MED17: variants seen among roughly 807,000 people sequenced by gnomAD.
MED17 encodes the protein mediator complex subunit 17.
A neutral mutation model predicts 80.8 loss-of-function variants in MED17; 49 were observed. The observed-to-expected ratio is 0.61, with a 90% CI of 0.48 to 0.77. The LOEUF (loss-of-function observed/expected upper bound fraction) is 0.77. Ranked by LOEUF, MED17 falls within the 30% of genes least tolerant of loss-of-function variation. The pLI, the probability that MED17 is intolerant of heterozygous loss-of-function variation, is 0.00. For missense variants in MED17, 718 were observed against 787.0 expected (o/e 0.91, Z 1.05); for synonymous variants, 281 against 280.4 (o/e 1.00, Z -0.02).
chr11:93,794,341 A>AC, intron 5 of MED17: 1 of 308,438 alleles, frequency 3.2e-6, no homozygotes, highest in Non-Finnish European at 6.1e-6. Context: ...AGTAGCTGGG[A>AC]TTACAGGCAT....
Position 93,801,848 on chromosome 11 carries a change from A to G in MED17, c.1342A>G (p.Ile448Val), listed in dbSNP as rs745485844. ...IFLRSRAAAT[I>V]DSLASRIEDP... ...TGTATTTAAAAGAGCTGCTGCAACC[A>G]TTGACAGCTTAGCAAGCCGAATTGA... Residue 448 changes from isoleucine to valine, a missense_variant, in exon 9 of 12, where the codon ATT becomes GTT. Transcript: ENST00000251871. 5 of 1,613,574 alleles carry G rather than the reference A, an allele frequency of 3.1e-6. No individual in the cohort carries two copies. The South Asian group carries it at 4.4e-5, about 14-fold the overall frequency.
chr11:93,811,932 T>C lies in MED17; in HGVS notation c.1824T>C (p.Asp608=). 1 of 1,614,092 alleles carries C rather than the reference T, an allele frequency of 6.2e-7. No individual in the cohort carries two copies. The highest frequency in any genetic ancestry group is 1.3e-5 in the African/African-American group (1 of 75,030). ...AATGTAAAGACCTTCCAAAAAGTGA[T>C]GTTTTACAAGATAACAAATGGAGTC... ...RNQCKDLPKS[D]VLQDNKWSHL... The change falls in exon 12 of 12, where the codon GAT becomes GAC. Residue 608 remains aspartate (D), a synonymous_variant. Transcript: ENST00000251871.
intron 9 of MED17, among the ~76,000 whole-genome samples, chr11:93,805,546 C>G (rs149954087): frequency 0.023 from 3,445 of 152,076 alleles, 139 homozygotes; most frequent in African/African-American, 0.079. Flanking sequence ...GTGCCACTGC[C>G]CTCCAGCCTG....
intron 2 of MED17, chr11:93,788,452 C>A (rs1290747184): frequency 3.4e-6 from 1 of 291,254 alleles, no homozygotes; most frequent in Non-Finnish European, 6.6e-6. Flanking sequence ...GAGGCCAAGG[C>A]GGGCAGATCA....
chr11:93,790,908 A>T (rs1943828640), intron 3 of MED17, 115 bp downstream of exon 3: 1 of 933,516 alleles, frequency 1.1e-6, no homozygotes, highest in Non-Finnish European at 1.7e-6. Flanking sequence ...GGAGTTCAAG[A>T]TGAGCCCAGG....
chr11:93,794,899 G>A lies in MED17; in HGVS notation c.860-9G>A, dbSNP rs1943883998. 5.0e-6 allele frequency: 8 copies of A among 1,613,832 alleles called. No individual in the cohort carries two copies. Among genetic ancestry groups the A allele is most frequent in the South Asian group, 1.1e-5 (1 of 91,080 alleles). On this transcript the variant is annotated splice_polypyrimidine_tract_variant and intron_variant, in intron 5 of 11. Transcript: ENST00000251871. Reference sequence around the variant, plus strand: ...TAGATAATTGATACATATATTTCTTGTCTTTCAGGTTCCCCACATTGGCAG... The same window carrying A: ...TAGATAATTGATACATATATTTCTTATCTTTCAGGTTCCCCACATTGGCAG...
rs77602634 is a variant in MED17 at position 93,809,646 on chromosome 11, C to T, written c.1585-71C>T. The stretch of plus-strand genomic sequence containing the variant: ...TGAGCACCCCAACAAAAGTTTACTT[C>T]ATGGTCGTGATGTTAAGTCACTGCA... On this transcript the variant is annotated intron_variant, in intron 10 of 11. Transcript: ENST00000251871. 4.3e-3 allele frequency: 6,667 copies of T among 1,543,924 alleles called. 217 individuals are homozygous for T. In the African/African-American group the frequency reaches 0.076, roughly 18 times the overall value.
chr11:93,786,449 T>G (rs555139215), intron 1 of MED17, among the ~76,000 whole-genome samples: 1 of 151,894 alleles, frequency 6.6e-6, no homozygotes, highest in Non-Finnish European at 1.5e-5. Context: ...CAACATTTAA[T>G]TTTAACTTTT....
intron 9 of MED17, 80 bp from the exon 10 acceptor site, chr11:93,807,438 T>C (rs1238193738): frequency 1.6e-5 from 14 of 857,590 alleles, no homozygotes; most frequent in Non-Finnish European, 2.4e-5. Context: ...TTTTCTAATT[T>C]GATGTTAACG....
chr11:93,803,991 ATGTGTG>A (rs146297693), intron 9 of MED17, among the ~76,000 whole-genome samples: 107,241 of 134,792 alleles, frequency 0.8, 43,235 homozygotes, highest in Non-Finnish European at 0.88. Flanking sequence ...GTGTGTATAT[ATGTGTG>A]TGTATATATA....
chr11:93,804,058 CACAT>C (rs1403019857), intron 9 of MED17, among the ~76,000 whole-genome samples: 1 of 148,074 alleles, frequency 6.8e-6, no homozygotes, highest in African/African-American at 2.5e-5. Context: ...CACACACACA[CACAT>C]AAAGGGGAGT....
chr11:93,803,917 C>G (rs1150326), intron 9 of MED17, among the ~76,000 whole-genome samples: 124,118 of 149,568 alleles, frequency 0.83, 52,119 homozygotes, highest in Admixed American at 0.89. Flanking sequence ...TTCTATAGCT[C>G]GTGTATTAGG....
chr11:93,784,492 AC>A lies in MED17; in HGVS notation c.-20del. 1 of 1,586,310 alleles carries A rather than the reference AC, an allele frequency of 6.3e-7. No homozygotes were observed. The highest frequency in any genetic ancestry group is 1.3e-5 in the African/African-American group (1 of 74,504). ...TTTTTGGCTCGTGGGGGGTCCTCCC[AC>A]CGCTGGCCGACGCAGCCAGCATGTC... is the stretch of plus-strand genomic sequence containing the variant. On this transcript the variant is annotated 5_prime_UTR_variant, in exon 1 of 12. Transcript: ENST00000251871.
At chr11:93,799,627 T>A (rs1234871177) in intron 8 of MED17, among the ~76,000 whole-genome samples, 3 of 152,074 alleles carry the variant, frequency 2.0e-5, no homozygotes, top group Non-Finnish European at 4.4e-5. Flanking sequence ...ATAAAAAAAA[T>A]TAGCCAGATG....
intron 2 of MED17, chr11:93,789,528 ACT>A (rs1457674560): frequency 1.3e-5 from 2 of 152,098 alleles, no homozygotes; most frequent in Non-Finnish European, 2.9e-5. Flanking sequence ...GTGATTTTTG[ACT>A]CTCATACAGC....
chr11:93,790,843 A>C, intron 3 of MED17, 50 bp downstream of exon 3: 55 of 1,498,884 alleles, frequency 3.7e-5, no homozygotes, highest in Non-Finnish European at 4.6e-5. Context: ...GTGGTGGCTC[A>C]TGCGTGTAAT....
intron 2 of MED17, 84 bp from the exon 3 acceptor site, chr11:93,790,490 C>G: frequency 7.8e-7 from 1 of 1,281,520 alleles, no homozygotes. Context: ...TTTTTGTTCA[C>G]TTCATTTTAT....
Position 93,791,691 on chromosome 11 carries a change from C to CA in MED17, c.637+906dup, listed in dbSNP as rs530711359. Among the ~76,000 whole-genome samples the CA allele has an allele frequency of 8.7e-5, 13 of 150,194 alleles. No individual in the cohort carries two copies. In the East Asian group the frequency reaches 8.8e-4, roughly 10 times the overall value. ...ACTGCATTCCAGCCTGACCTTGTCTCAAAAAAAACCCCAAAAAAAACCAAA... is the reference window on the plus strand; with the variant it reads ...ACTGCATTCCAGCCTGACCTTGTCTCAAAAAAAAACCCCAAAAAAAACCAAA... On this transcript the variant is annotated intron_variant, in intron 3 of 11. Transcript: ENST00000251871.
In MED17 at chr11:93,794,314, C is replaced by T. The variant is rs188989916; in HGVS notation, c.859+279C>T. On this transcript the variant is annotated intron_variant, in intron 5 of 11. Transcript: ENST00000251871. ...CTACCTCCCAGGTTCAAGCGATTCT[C>T]CTGCCTCAGCCTCCCGAGTAGCTGG... The T allele has an allele frequency of 1.0e-4, 33 of 328,886 alleles. No individual in the cohort carries two copies. In the East Asian group the frequency reaches 2.0e-3, roughly 20 times the overall value. 20.4% of individuals were successfully genotyped at this position (328,886 alleles called of 1,614,324 possible). A position where few individuals can be genotyped will look rare whatever the true frequency, so the allele number is the denominator to read the frequency against.
Sources: gnomAD v4.1 joint callset for allele counts (sites outside exome capture counted in the v4.1 genomes callset) on GRCh38, gnomAD v4.1.1 for gene constraint, MANE v1.5 for transcripts, NCBI Gene and HGNC (gene_info 2026-07-23, HGNC 2026-07-21) for gene names.